The following PDZRN4 variants were observed in gnomAD, a reference collection of about 807,000 sequenced individuals.
PDZRN4 encodes PDZ domain containing ring finger 4, also known as PDZ domain-containing RING finger protein 4.
Under a neutral mutation model 99.0 loss-of-function variants are expected in PDZRN4, and 70 were observed. The observed-to-expected ratio is 0.71, with a 90% CI of 0.58 to 0.86. The LOEUF is 0.86. Ranked by LOEUF, PDZRN4 falls within the 40% of genes least tolerant of loss-of-function variation. The pLI is 0.00. For synonymous variants in PDZRN4, 551 were observed against 501.6 expected, an observed-to-expected ratio of 1.10 and a Z score of -1.32; for missense variants, 1,474 against 1,331.2, an observed-to-expected ratio of 1.11 and a Z score of -1.67.
At chr12:41,436,931 T>C (rs1193648446) in intron 3 of PDZRN4, among the ~76,000 whole-genome samples, 3 of 152,212 alleles carry the variant, frequency 2.0e-5, no homozygotes, top group Non-Finnish European at 2.9e-5. Context: ...AAAATTAGCA[T>C]AAATACTATA....
chr12:41,262,253 A>G (rs1239240945), intron 3 of PDZRN4, among the ~76,000 whole-genome samples: 1 of 152,182 alleles, frequency 6.6e-6, no homozygotes, highest in Non-Finnish European at 1.5e-5. Flanking sequence ...CTGAAAGACC[A>G]TGACCACAAT....
intron 3 of PDZRN4, among the ~76,000 whole-genome samples, chr12:41,436,464 G>C (rs77260537): frequency 1.4e-4 from 21 of 152,120 alleles, no homozygotes; most frequent in Non-Finnish European, 2.8e-4. Context: ...GTAGCTATTC[G>C]TCAGTGATAA....
chr12:41,527,971 G>A (rs1938597840), intron 5 of PDZRN4, among the ~76,000 whole-genome samples: 1 of 152,154 alleles, frequency 6.6e-6, no homozygotes, highest in Admixed American at 6.5e-5. Context: ...GGATAAAGAG[G>A]CTACTTTCAT....
intron 3 of PDZRN4, among the ~76,000 whole-genome samples, chr12:41,233,859 C>T (rs149642966): frequency 0.012 from 1,786 of 151,838 alleles, 56 homozygotes; most frequent in East Asian, 0.11. Context: ...TTAATGGGTG[C>T]AGCACACCAA....
chr12:41,245,456 T>C (rs1209710011), intron 3 of PDZRN4, among the ~76,000 whole-genome samples: 1 of 152,188 alleles, frequency 6.6e-6, no homozygotes, highest in African/African-American at 2.4e-5. Context: ...TTAATTAGAA[T>C]ATGATATGAC....
At chr12:41,341,050 G>A (rs1194078703) in intron 3 of PDZRN4, among the ~76,000 whole-genome samples, 1 of 151,774 alleles carries the variant, frequency 6.6e-6, no homozygotes, top group Non-Finnish European at 1.5e-5. Flanking sequence ...TTCAAGGATG[G>A]TTTAACATGT....
At position 41,341,433 on chromosome 12, in the gene PDZRN4, G is replaced by A. The variant is rs115610325; in HGVS notation, c.843+147245G>A. 3.1e-3 allele frequency among the ~76,000 whole-genome samples: 465 copies of A among 151,986 alleles called. 3 individuals carry two copies. Among genetic ancestry groups the A allele is most frequent in the African/African-American group, 0.011 (442 of 41,552 alleles). ...TAAATTGTCCCTATTTGCAGGAGAT[G>A]TGATCTTGTATATAAAGTATCCTAA... On this transcript the variant is annotated intron_variant, in intron 3 of 9. Coordinates refer to ENST00000402685, the MANE Select transcript of PDZRN4 (RefSeq NM_001164595.2).
intron 5 of PDZRN4, among the ~76,000 whole-genome samples, chr12:41,516,146 G>T (rs148544557): frequency 6.6e-6 from 1 of 151,930 alleles, no homozygotes; most frequent in East Asian, 1.9e-4. Flanking sequence ...GCCATGTACC[G>T]CAATCTTTCC....
chr12:41,448,351 C>T (rs187444050), intron 3 of PDZRN4, among the ~76,000 whole-genome samples: 73 of 152,254 alleles, frequency 4.8e-4, no homozygotes, highest in Non-Finnish European at 9.6e-4. Context: ...TTCCTCACCC[C>T]TATTCTGGTA....
intron 3 of PDZRN4, among the ~76,000 whole-genome samples, chr12:41,401,344 G>C (rs1247810244): frequency 2.0e-5 from 3 of 152,110 alleles, no homozygotes; most frequent in Non-Finnish European, 4.4e-5. Context: ...GCTCATAAAA[G>C]TAACATCAAT....
chr12:41,271,241 A>G (rs1951312512), intron 3 of PDZRN4, among the ~76,000 whole-genome samples: 1 of 151,720 alleles, frequency 6.6e-6, no homozygotes, highest in South Asian at 2.1e-4. Context: ...AAATAGAGAC[A>G]GGATACATTA....
At chr12:41,209,080 A>G (rs1410576173) in intron 3 of PDZRN4, among the ~76,000 whole-genome samples, 1 of 151,890 alleles carries the variant, frequency 6.6e-6, no homozygotes, top group Non-Finnish European at 1.5e-5. Flanking sequence ...TTTGCAAGTA[A>G]TGCATCAAGA....
chr12:41,408,662 A>G (rs1952367075), intron 3 of PDZRN4, among the ~76,000 whole-genome samples: 2 of 152,208 alleles, frequency 1.3e-5, no homozygotes, highest in Non-Finnish European at 2.9e-5. Context: ...TTTCCAAAAA[A>G]CAATATGATG....
intron 3 of PDZRN4, among the ~76,000 whole-genome samples, chr12:41,262,755 G>A (rs888665487): frequency 6.6e-6 from 1 of 152,114 alleles, no homozygotes; most frequent in African/African-American, 2.4e-5. Context: ...GTTTAGATAT[G>A]CTAGATAATT....
chr12:41,252,855 G>A (rs766284337), intron 3 of PDZRN4, among the ~76,000 whole-genome samples: 1 of 152,160 alleles, frequency 6.6e-6, no homozygotes, highest in Non-Finnish European at 1.5e-5. Context: ...TTGAGGTGCT[G>A]AAAATGTTTT....
At chr12:41,258,848 A>G (rs887535477) in intron 3 of PDZRN4, among the ~76,000 whole-genome samples, 4 of 152,136 alleles carry the variant, frequency 2.6e-5, no homozygotes, top group African/African-American at 9.7e-5. Context: ...AAAGGGAATG[A>G]TGGAGGTGCT....
intron 5 of PDZRN4, among the ~76,000 whole-genome samples, chr12:41,530,959 G>A (rs1938650610): frequency 6.6e-6 from 1 of 151,976 alleles, no homozygotes; most frequent in African/African-American, 2.4e-5. Context: ...AGACCGGCAG[G>A]CTGTGGGGCT....
At chr12:41,382,019 A>T (rs1333865606) in intron 3 of PDZRN4, among the ~76,000 whole-genome samples, 1 of 152,046 alleles carries the variant, frequency 6.6e-6, no homozygotes, top group Admixed American at 6.5e-5. Context: ...CTGACTCCAT[A>T]GTCAGGCAGG....
At chr12:41,497,963 A>T (rs35993446) in intron 3 of PDZRN4, among the ~76,000 whole-genome samples, 2,425 of 152,124 alleles carry the variant, frequency 0.016, 44 homozygotes, top group Non-Finnish European at 0.023. Context: ...AATAATAAAT[A>T]TAACAATATT....
Sources: allele counts gnomAD v4.1 joint callset (sites outside exome capture counted in the v4.1 genomes callset), GRCh38; gene constraint gnomAD v4.1.1; transcripts MANE v1.5; gene names NCBI Gene and HGNC (gene_info 2026-07-23, HGNC 2026-07-21).